The following C1QTNF2 variants were observed in gnomAD, a reference collection of about 807,000 sequenced individuals.
C1QTNF2 encodes the protein C1q and TNF related 2.
C1QTNF2 carries 15 observed loss-of-function variants against 17.4 expected under a neutral mutation model. That is an observed-to-expected ratio of 0.86 (90% confidence interval 0.58 to 1.33). C1QTNF2 has a LOEUF of 1.33. Ranked by LOEUF, C1QTNF2 falls within the 40% of genes most tolerant of loss-of-function variation. C1QTNF2 has a pLI of 0.00. For missense variants in C1QTNF2, 381 were observed against 392.3 expected (o/e 0.97, Z 0.24); for synonymous variants, 154 against 163.3 (o/e 0.94, Z 0.44).
At chr5:160,354,581 G>T (rs1400419860) in intron 2 of C1QTNF2, among the ~76,000 whole-genome samples, 187 bp downstream of exon 2, 1 of 45,996 alleles carries the variant, frequency 2.2e-5, no homozygotes, top group Admixed American at 2.6e-4. Flanking sequence ...TCTGTCTCAA[G>T]GGGAAAAAAA....
chr5:160,370,352 G>T (rs1192730854), intron 1 of C1QTNF2, among the ~76,000 whole-genome samples, 160 bp downstream of exon 1: 1 of 152,168 alleles, frequency 6.6e-6, no homozygotes, highest in Non-Finnish European at 1.5e-5. Flanking sequence ...GGTAGAAGTC[G>T]AGAGGCAGGA....
chr5:160,352,106 TC>T (rs905513819), intron 2 of C1QTNF2, among the ~76,000 whole-genome samples: 17 of 152,190 alleles, frequency 1.1e-4, no homozygotes, highest in African/African-American at 4.1e-4. Context: ...AAATGGTGTC[TC>T]CCTATGTTGC....
At chr5:160,354,465 G>A (rs1581033941) in intron 2 of C1QTNF2, among the ~76,000 whole-genome samples, 1 of 151,614 alleles carries the variant, frequency 6.6e-6, no homozygotes, top group East Asian at 2.0e-4. Flanking sequence ...TGTAATTCCA[G>A]CTACTCAGGA....
rs1554127199 is a variant in C1QTNF2, at chr5:160,354,629, T to TATATAC, written c.244+138_244+139insGTATAT. The TATATAC allele has an allele frequency of 1.3e-3, 422 of 336,118 alleles. 8 individuals are homozygous for TATATAC. Among genetic ancestry groups the TATATAC allele is most frequent in the African/African-American group, 0.01 (403 of 39,330 alleles). The allele number at this position is 336,118 out of a possible 1,614,324, so 20.8% of individuals were successfully genotyped here. A position where few individuals can be genotyped will look rare whatever the true frequency, so the allele number is the denominator to read the frequency against. Reference sequence around the variant, plus strand: ...ATATATATATATATATATATATATATATATAGATTTATAAGTAAATAGTAA... The same window carrying TATATAC: ...ATATATATATATATATATATATATATATATACATATAGATTTATAAGTAAATAGTAA... On this transcript the variant is annotated intron_variant, in intron 2 of 2. Transcript: ENST00000652664.
Position 160,370,570 on chromosome 5 carries a change from T to C in C1QTNF2, c.-68A>G. 1 of 1,445,808 alleles carries C rather than the reference T, an allele frequency of 6.9e-7. No homozygotes were observed. The highest frequency in any genetic ancestry group is 9.0e-7 in the Non-Finnish European group (1 of 1,107,714). 89.6% of individuals were successfully genotyped at this position (1,445,808 alleles called of 1,614,324 possible). ...GGAGCAAAGAAGCTCTCGGCGGGGC[T>C]CCGCGTCCCGGCTTTCCTCAGCGGC... On this transcript the variant is annotated 5_prime_UTR_variant, in exon 1 of 3. Transcript: ENST00000652664.
At chr5:160,355,879 T>C (rs1232189464) in intron 1 of C1QTNF2, among the ~76,000 whole-genome samples, 3 of 152,196 alleles carry the variant, frequency 2.0e-5, no homozygotes, top group African/African-American at 7.2e-5. Flanking sequence ...CTTCTTCCAA[T>C]GTGGCACAGG....
At chr5:160,370,161 GA>G (rs1367769808) in intron 1 of C1QTNF2, among the ~76,000 whole-genome samples, 79 of 152,118 alleles carry the variant, frequency 5.2e-4, no homozygotes, top group Admixed American at 5.2e-3. Flanking sequence ...TGTAGACGGG[GA>G]TAATCTGTTG....
At chr5:160,361,570 C>G (rs1017148872) in intron 1 of C1QTNF2, among the ~76,000 whole-genome samples, 1 of 152,202 alleles carries the variant, frequency 6.6e-6, no homozygotes, top group Non-Finnish European at 1.5e-5. Flanking sequence ...GCACTTGATT[C>G]CCTCAACTAT....
Position 160,356,973 on chromosome 5 carries a change from C to CCAGCAGT in C1QTNF2, c.-9-1960_-9-1954dup, listed in dbSNP as rs369657804. 4.2e-3 allele frequency among the ~76,000 whole-genome samples: 638 copies of CCAGCAGT among 152,270 alleles called. 5 individuals are homozygous for CCAGCAGT. The highest frequency in any genetic ancestry group is 0.015 in the African/African-American group (611 of 41,542). On this transcript the variant is annotated intron_variant, in intron 1 of 2. Transcript: ENST00000652664. The stretch of plus-strand genomic sequence containing the variant: ...AAGGAAAATGTTCATTGCCCACATC[C>CCAGCAGT]CAGCAGTGTGACAATCACAGGGCCC...
At chr5:160,357,983 G>C (rs1764082750) in intron 1 of C1QTNF2, among the ~76,000 whole-genome samples, 1 of 152,214 alleles carries the variant, frequency 6.6e-6, no homozygotes, top group Admixed American at 6.5e-5. Context: ...AGCCACACAG[G>C]CTCCACAAGA....
chr5:160,361,491 A>G (rs1000159859), intron 1 of C1QTNF2, among the ~76,000 whole-genome samples: 2 of 152,234 alleles, frequency 1.3e-5, no homozygotes, highest in Non-Finnish European at 2.9e-5. Flanking sequence ...CCTGTTGGTT[A>G]TCAGGTTTTG....
In C1QTNF2 at chr5:160,349,663, GC is replaced by G. The variant is rs771666849; in HGVS notation, c.362del (p.Gly121AlafsTer36). 1.2e-6 allele frequency: 2 copies of G among 1,613,522 alleles called. No individual in the cohort carries two copies. The highest frequency in any genetic ancestry group is 2.2e-5 in the South Asian group (2 of 91,058). The stretch of plus-strand genomic sequence containing the variant: ...CCTTGGGCCCCTTCTTGCCTGGTGT[GC>G]CATGCTTCCCGGGGGTACCGTTGAC... ...KGVNGTPGKH[G>X]TPGKKGPKGK... On this transcript the variant is annotated frameshift_variant, in exon 3 of 3. Transcript: ENST00000652664. LOFTEE classifies it high-confidence loss of function. This position sits in a 1 kb window ranked among gnomAD's most constrained non-coding sequence, Gnocchi z 4.3.
In C1QTNF2 at chr5:160,349,146, C is replaced by G. The variant is rs1763856497; in HGVS notation, c.*22G>C. On this transcript the variant is annotated 3_prime_UTR_variant, in exon 3 of 3. Transcript: ENST00000652664. This position sits in a 1 kb window ranked among gnomAD's most constrained non-coding sequence, Gnocchi z 4.3. ...CCAAGTCCAGAAGCTTGTTCCCTGC[C>G]TGGAGGACCGCCGTGGCATGTCTAT... is the stretch of plus-strand genomic sequence containing the variant. The G allele has an allele frequency of 6.3e-7, 1 of 1,590,392 alleles. No individual in the cohort carries two copies. The highest frequency in any genetic ancestry group is 8.6e-7 in the Non-Finnish European group (1 of 1,166,864).
Position 160,349,763 on chromosome 5 carries a change from C to G in C1QTNF2, c.263G>C (p.Gly88Ala). The G allele has an allele frequency of 6.5e-7, 1 of 1,527,330 alleles. No homozygotes were observed. The highest frequency in any genetic ancestry group is 8.7e-7 in the Non-Finnish European group (1 of 1,147,646). The allele number at this position is 1,527,330 out of a possible 1,614,324, so 94.6% of individuals were successfully genotyped here. Residue 88 changes from glycine (G) to alanine (A), a missense_variant, in exon 3 of 3, where the codon GGT (glycine) becomes GCT (alanine). By Grantham distance (60) the Gly-to-Ala change is moderately conservative. Coordinates refer to ENST00000652664, the MANE Select transcript of C1QTNF2 (RefSeq NM_031908.6). This position sits in a 1 kb window ranked among gnomAD's most constrained non-coding sequence, Gnocchi z 4.3. ...SGEEGPPGRT[G>A]NRGKPGPKGK... is the part of the protein sequence containing the mutation. ...CTTTGGTCCTGGCTTTCCCCGGTTA[C>G]CTGTCCGGCCAGGTGGACCTGGAAG...
At chr5:160,367,815 A>G (rs1561829379) in intron 1 of C1QTNF2, among the ~76,000 whole-genome samples, 1 of 152,222 alleles carries the variant, frequency 6.6e-6, no homozygotes, top group Non-Finnish European at 1.5e-5. Context: ...CATTGTGCAC[A>G]GTCTCTGTCA....
chr5:160,359,678 A>T (rs550374387), intron 1 of C1QTNF2, among the ~76,000 whole-genome samples: 1 of 152,292 alleles, frequency 6.6e-6, no homozygotes, highest in African/African-American at 2.4e-5. Flanking sequence ...CCACACTTGG[A>T]TTAGACAAGG....
In C1QTNF2 at chr5:160,354,753, G is replaced by C; in HGVS notation, c.244+15C>G. 6.2e-7 allele frequency: 1 copy of C among 1,613,466 alleles called. No homozygotes were observed. The highest frequency in any genetic ancestry group is 8.5e-7 in the Non-Finnish European group (1 of 1,179,862). ...AGCCAGGTGGGAACGAGAGTGGCAC[G>C]TATAGGCCTCTTACCTTCCTCTCCG... is the stretch of plus-strand genomic sequence containing the variant. On this transcript the variant is annotated intron_variant, in intron 2 of 2. Transcript: ENST00000652664.
rs558515520 is a variant in C1QTNF2, at chr5:160,355,065, G to A, written c.-9-45C>T. ...TGTGACAGGTGAGTGTGGCCACCAAGCTGACCTGGGGCTGGTCAGAGGGGA... is the reference window on the plus strand; with the variant it reads ...TGTGACAGGTGAGTGTGGCCACCAAACTGACCTGGGGCTGGTCAGAGGGGA... On this transcript the variant is annotated intron_variant, in intron 1 of 2. Transcript: ENST00000652664. 10 of 1,489,454 alleles carry A rather than the reference G, an allele frequency of 6.7e-6. No homozygotes were observed. In the South Asian group the frequency reaches 1.3e-4, roughly 19 times the overall value. The allele number at this position is 1,489,454 out of a possible 1,614,324, so 92.3% of individuals were successfully genotyped here.
chr5:160,360,982 G>A (rs1277507019), intron 1 of C1QTNF2, among the ~76,000 whole-genome samples: 3 of 151,990 alleles, frequency 2.0e-5, no homozygotes, highest in Non-Finnish European at 4.4e-5. Context: ...TTTTAGTAGA[G>A]ACGGGGTTTC....
Sources: gnomAD v4.1 joint callset for allele counts (sites outside exome capture counted in the v4.1 genomes callset) on GRCh38, gnomAD v4.1.1 for gene constraint, Gnocchi (gnomAD v3.1) non-coding constraint, MANE v1.5 for transcripts, NCBI Gene and HGNC (gene_info 2026-07-23, HGNC 2026-07-21) for gene names.